Variants in AGBL1 observed in about 807,000 individuals in gnomAD.
AGBL1 encodes cytosolic carboxypeptidase 4.
A neutral mutation model predicts 118.9 loss-of-function variants in AGBL1; 130 were observed. The ratio of observed to expected loss-of-function variants is 1.09; its 90% CI spans 0.95 to 1.26. The LOEUF (loss-of-function observed/expected upper bound fraction) is 1.26. Ranked by LOEUF, AGBL1 falls within the 50% of genes most tolerant of loss-of-function variation. The probability of loss-of-function intolerance (pLI) is 0.00; values close to 1 mark genes in which losing one functional copy is unlikely to be tolerated. For missense variants in AGBL1, 1,584 were observed against 1,298.1 expected (o/e 1.22, Z -3.38); for synonymous variants, 555 against 478.9 (o/e 1.16, Z -2.08).
intron 22 of AGBL1, among the ~76,000 whole-genome samples, chr15:86,858,306 C>T (rs1277301211): frequency 6.6e-6 from 1 of 152,182 alleles, no homozygotes; most frequent in African/African-American, 2.4e-5. Flanking sequence ...TTCTAAAACT[C>T]AGTGTCATGG....
downstream of AGBL1, among the ~76,000 whole-genome samples, chr15:86,920,214 G>C (rs1042008832): frequency 1.3e-5 from 2 of 152,186 alleles, no homozygotes; most frequent in Non-Finnish European, 2.9e-5. Context: ...CCTTGTGGTA[G>C]TAGGCACTGA....
Position 86,739,834 on chromosome 15 carries a change from G to A in AGBL1, c.3158+65398G>A, listed in dbSNP as rs150355084. 5.0e-3 allele frequency among the ~76,000 whole-genome samples: 768 copies of A among 152,262 alleles called. 8 individuals are homozygous for A. Among genetic ancestry groups the A allele is most frequent in the African/African-American group, 0.017 (722 of 41,560 alleles). On this transcript the variant is annotated intron_variant, in intron 22 of 22. Transcript: ENST00000614907. ...GCAGAGAGGACTGGATACCTCCAGG[G>A]TTTTGTGACACTAAGTTTATAAAGA...
intron 18 of AGBL1, among the ~76,000 whole-genome samples, chr15:86,501,173 G>A (rs1159567301): frequency 6.6e-6 from 1 of 151,558 alleles, no homozygotes; most frequent in African/African-American, 2.4e-5. Flanking sequence ...TCCAACACTT[G>A]TCATTTTCTA....
chr15:86,136,243 T>C (rs531594786), intron 1 of AGBL1, among the ~76,000 whole-genome samples: 1 of 152,348 alleles, frequency 6.6e-6, no homozygotes, highest in East Asian at 1.9e-4. Context: ...AGTTTTGGGA[T>C]AGTTTGTTAC....
At chr15:86,385,114 A>G (rs4561431) in intron 17 of AGBL1, among the ~76,000 whole-genome samples, 53,317 of 151,744 alleles carry the variant, frequency 0.35, 10,253 homozygotes, top group East Asian at 0.74. Flanking sequence ...CTGCAAGTAT[A>G]AAGTATACTC....
chr15:86,223,543 A>G (rs1209509511), intron 5 of AGBL1, among the ~76,000 whole-genome samples: 2 of 152,194 alleles, frequency 1.3e-5, no homozygotes, highest in African/African-American at 4.8e-5. Flanking sequence ...ACTCTGTGGG[A>G]TTCAACAACA....
intron 22 of AGBL1, among the ~76,000 whole-genome samples, chr15:86,827,480 T>C (rs1166038180): frequency 1.1e-4 from 1 of 9,436 alleles, no homozygotes; most frequent in African/African-American, 7.4e-4. Context: ...CATATATATA[T>C]ATATGTGTGT....
At chr15:86,196,073 T>G (rs2077797157) in intron 5 of AGBL1, among the ~76,000 whole-genome samples, 1 of 152,240 alleles carries the variant, frequency 6.6e-6, no homozygotes, top group Non-Finnish European at 1.5e-5. Flanking sequence ...CTAATATATG[T>G]TGTACATTTT....
rs557199027 is a variant in AGBL1, at chr15:86,904,217, A to G, written c.3159-2870A>G. Among the ~76,000 whole-genome samples, 74 of 152,284 alleles carry G rather than the reference A, an allele frequency of 4.9e-4. 2 individuals carry two copies. The South Asian group carries it at 0.015, about 31-fold the overall frequency. ...TCTCAGCTGTTCCAGCTCCAAATCT[A>G]GAGTATGTGAGGCCCAAAGGAAACC... On this transcript the variant is annotated intron_variant, in intron 22 of 22. Coordinates refer to ENST00000614907, the MANE Select transcript of AGBL1 (RefSeq NM_001386094.1).
intron 18 of AGBL1, among the ~76,000 whole-genome samples, chr15:86,485,009 G>T (rs1337425544): frequency 3.9e-5 from 6 of 152,068 alleles, no homozygotes; most frequent in Admixed American, 6.6e-5. Context: ...AACTATCTTT[G>T]AACCTTAGTC....
intron 17 of AGBL1, among the ~76,000 whole-genome samples, chr15:86,328,511 G>A (rs1395199114): frequency 6.6e-6 from 1 of 152,086 alleles, no homozygotes; most frequent in African/African-American, 2.4e-5. Flanking sequence ...TCAGCCACTT[G>A]GAAATAGAAT....
At chr15:86,434,547 A>AAAAGAG (rs2081976755) in intron 18 of AGBL1, among the ~76,000 whole-genome samples, 1 of 152,250 alleles carries the variant, frequency 6.6e-6, no homozygotes, top group Admixed American at 6.5e-5. Flanking sequence ...AGAGGATCAT[A>AAAAGAG]AAAGAGACAC....
At chr15:86,454,175 C>T (rs2082232751) in intron 18 of AGBL1, among the ~76,000 whole-genome samples, 1 of 152,060 alleles carries the variant, frequency 6.6e-6, no homozygotes, top group African/African-American at 2.4e-5. Context: ...AGAAAAGTTC[C>T]CTTAGAGGTG....
chr15:86,821,323 T>C (rs2078940750), intron 22 of AGBL1, among the ~76,000 whole-genome samples: 1 of 152,066 alleles, frequency 6.6e-6, no homozygotes, highest in African/African-American at 2.4e-5. Context: ...ACTTAAAGTA[T>C]AATAATAAAT....
At position 86,216,367 on chromosome 15, in the gene AGBL1, T is replaced by G. The variant is rs74025021; in HGVS notation, c.489-8547T>G. On this transcript the variant is annotated intron_variant, in intron 5 of 22. Coordinates refer to ENST00000614907, the MANE Select transcript of AGBL1 (RefSeq NM_001386094.1). ...TCTTAGGGGAAAAGCATTCAATCTT[T>G]CTTCATTAAGTATCATATTAACTGT... is the stretch of plus-strand genomic sequence containing the variant. 9.0e-3 allele frequency among the ~76,000 whole-genome samples: 1,365 copies of G among 152,302 alleles called. 17 individuals are homozygous for G. Among genetic ancestry groups the G allele is most frequent in the African/African-American group, 0.032 (1,312 of 41,574 alleles).
chr15:86,855,835 C>T lies in AGBL1; in HGVS notation c.3159-51252C>T, dbSNP rs560045232. On this transcript the variant is annotated intron_variant, in intron 22 of 22. Transcript: ENST00000614907. ...GGTAGAGGCCTTTGCCAAGGATTCT[C>T]TCCTCATCTGGGACCCCTGCTCAGA... 2.6e-5 allele frequency among the ~76,000 whole-genome samples: 4 copies of T among 152,330 alleles called. No homozygotes were observed. In the South Asian group the frequency reaches 6.2e-4, roughly 24 times the overall value.
chr15:86,837,455 A>T (rs1484017471), intron 22 of AGBL1, among the ~76,000 whole-genome samples: 1 of 152,186 alleles, frequency 6.6e-6, no homozygotes, highest in Admixed American at 6.5e-5. Context: ...TTTTAATGGG[A>T]AAACAGCCAC....
intron 1 of AGBL1, among the ~76,000 whole-genome samples, chr15:86,122,230 G>A (rs1898133903): frequency 6.6e-6 from 1 of 152,160 alleles, no homozygotes; most frequent in Admixed American, 6.5e-5. Flanking sequence ...GTTGTACAGG[G>A]TCCTGTTGCA....
intron 1 of AGBL1, among the ~76,000 whole-genome samples, chr15:86,101,941 TGAA>T (rs1896748541): frequency 6.6e-6 from 1 of 152,246 alleles, no homozygotes; most frequent in Non-Finnish European, 1.5e-5. Context: ...TTTGTATAGA[TGAA>T]GAAACCTTTG....
Sources: gnomAD v4.1 joint callset for allele counts (sites outside exome capture counted in the v4.1 genomes callset) on GRCh38, gnomAD v4.1.1 for gene constraint, MANE v1.5 for transcripts, NCBI Gene and HGNC (gene_info 2026-07-23, HGNC 2026-07-21) for gene names.